The following SYNE1 variants were observed in gnomAD, a reference collection of about 807,000 sequenced individuals.
SYNE1 encodes nesprin-1.
In SYNE1, 616 loss-of-function variants were observed where a neutral mutation model predicts 1,111.0. The observed-to-expected ratio is 0.55, with a 90% confidence interval of 0.52 to 0.59. The LOEUF (loss-of-function observed/expected upper bound fraction) is 0.59, where lower values mean the gene tolerates loss of function less well. SYNE1 is among the 20% of genes least tolerant of loss of function. SYNE1 has a pLI of 0.00. For missense variants in SYNE1, 10,006 were observed against 10,417.0 expected (o/e 0.96, Z 1.72); for synonymous variants, 3,855 against 3,825.8 (o/e 1.01, Z -0.28).
chr6:152,325,516 A>AT (rs1413750245), intron 80 of SYNE1, among the ~76,000 whole-genome samples: 6 of 152,320 alleles, frequency 3.9e-5, no homozygotes, highest in African/African-American at 1.4e-4. Flanking sequence ...AATATTATTT[A>AT]TTTATTAAAA....
chr6:152,507,556 C>T (rs759422404), intron 8 of SYNE1, among the ~76,000 whole-genome samples: 10 of 152,058 alleles, frequency 6.6e-5, no homozygotes, highest in Non-Finnish European at 1.0e-4. Context: ...TTAGTTCAAA[C>T]CTCTTATTTG....
intron 124 of SYNE1, among the ~76,000 whole-genome samples, chr6:152,209,502 C>T (rs904577557): frequency 2.0e-5 from 3 of 152,158 alleles, no homozygotes; most frequent in Non-Finnish European, 4.4e-5. Context: ...TTAATCCCAG[C>T]ACCTTGGGAG....
chr6:152,239,019 T>C (rs2084899211), intron 108 of SYNE1, among the ~76,000 whole-genome samples: 2 of 151,798 alleles, frequency 1.3e-5, no homozygotes, highest in South Asian at 4.2e-4. Context: ...TGCCTCAGCC[T>C]CCCAAGTAGC....
At chr6:152,412,050 GAAAGAACCC>G in intron 42 of SYNE1, among the ~76,000 whole-genome samples, 1 of 152,068 alleles carries the variant, frequency 6.6e-6, no homozygotes, top group Non-Finnish European at 1.5e-5. Context: ...ATCCAAACTG[GAAAGAACCC>G]AATTGTCCAT....
intron 49 of SYNE1, 56 bp from the exon 50 acceptor site, chr6:152,397,036 C>G (rs925313750): frequency 6.4e-7 from 1 of 1,558,174 alleles, no homozygotes; most frequent in African/African-American, 1.4e-5. Flanking sequence ...CAATTGTGAG[C>G]TGAAGTAGTA....
chr6:152,400,359 T>C (rs142185590), intron 47 of SYNE1, among the ~76,000 whole-genome samples: 10 of 152,288 alleles, frequency 6.6e-5, no homozygotes, highest in Admixed American at 6.5e-4. Context: ...TATCTATTAA[T>C]ATGGATAGGA....
intron 63 of SYNE1, 95 bp from the exon 64 acceptor site, chr6:152,362,418 G>C (rs563877981): frequency 9.1e-6 from 14 of 1,534,288 alleles, no homozygotes; most frequent in African/African-American, 1.4e-5. Flanking sequence ...AGTAAGCAAG[G>C]GGTCAAGAGA....
In SYNE1 at chr6:152,294,210, A is replaced by T. The variant is rs992219461; in HGVS notation, c.17683-83T>A. On this transcript the variant is annotated intron_variant, in intron 93 of 145. Coordinates refer to ENST00000367255, the MANE Select transcript of SYNE1 (RefSeq NM_182961.4). Reference sequence around the variant, plus strand: ...GCTCTGGGTACTGTTGGTCATGTCAAGGAAAGGTTTCAGATCTACACCTTT... The same window carrying T: ...GCTCTGGGTACTGTTGGTCATGTCATGGAAAGGTTTCAGATCTACACCTTT... 6 of 1,424,248 alleles carry T rather than the reference A, an allele frequency of 4.2e-6. No homozygotes were observed. In the Middle Eastern group the frequency reaches 7.3e-4, roughly 174 times the overall value. The allele number at this position is 1,424,248 out of a possible 1,614,324, so 88.2% of individuals were successfully genotyped here.
At chr6:152,145,599 A>G in intron 137 of SYNE1, 1 of 1,544,368 alleles carries the variant, frequency 6.5e-7, no homozygotes, top group East Asian at 2.2e-5. Flanking sequence ...AGTTCTGGAA[A>G]CCCTGAATCC....
intron 127 of SYNE1, among the ~76,000 whole-genome samples, chr6:152,201,127 G>A (rs1045575013): frequency 1.3e-5 from 2 of 152,160 alleles, no homozygotes; most frequent in Admixed American, 6.5e-5. Context: ...TTAAAGGTAC[G>A]TTTGATATGA....
At position 152,416,977 on chromosome 6, in the gene SYNE1, C is replaced by A. The variant is rs761140356; in HGVS notation, c.5460G>T (p.Leu1820Phe). Residue 1820 changes from leucine to phenylalanine, a missense_variant, in exon 41 of 146, where the codon TTG (leucine) becomes TTT (phenylalanine). Around this residue, in one of 7 missense-constraint regions of SYNE1, gnomAD observed 4,955 missense variants for 5,017.2 expected, o/e 0.99. Transcript: ENST00000367255. ...TTGCTAAGTGACCCTGCAGACTCTG[C>A]AATTCGCCCTTTTTGCTCTCTACTT... The part of the protein sequence containing the change: ...AAEVESKKGE[L>F]QSLQGHLAKL... The A allele has an allele frequency of 1.2e-6, 2 of 1,614,204 alleles. No individual in the cohort carries two copies. Among genetic ancestry groups the A allele is most frequent in the Non-Finnish European group, 1.7e-6 (2 of 1,180,050 alleles).
At chr6:152,546,013 G>A (rs1483642092) in intron 3 of SYNE1, 1 of 152,034 alleles carries the variant, frequency 6.6e-6, no homozygotes, top group Non-Finnish European at 1.5e-5. Context: ...ACAACCAAAT[G>A]ACGTGAATAC....
At chr6:152,220,046 T>A (rs1386487130) in intron 119 of SYNE1, among the ~76,000 whole-genome samples, 1 of 152,228 alleles carries the variant, frequency 6.6e-6, no homozygotes, top group East Asian at 1.9e-4. Context: ...AAATGACAGT[T>A]CTTGTACACA....
rs763512555 is a variant in SYNE1, at chr6:152,140,139, A to T, written c.25269T>A (p.Leu8423=). The change falls in exon 140 of 146, where the codon CTT becomes CTA. Residue 8423 remains leucine (L), a synonymous_variant. Transcript: ENST00000367255. ...QTAGVIDRWE[L]LQAQALSKEL... ...CCTTGCTCAATGCCTGGGCCTGGAG[A>T]AGCTCCCATCGGTCAATCACACCTG... 2 of 1,614,142 alleles carry T rather than the reference A, an allele frequency of 1.2e-6. No homozygotes were observed. Among genetic ancestry groups the T allele is most frequent in the South Asian group, 2.2e-5 (2 of 91,066 alleles).
chr6:152,303,567 G>A (rs959600661), intron 91 of SYNE1, among the ~76,000 whole-genome samples: 9 of 151,758 alleles, frequency 5.9e-5, no homozygotes, highest in South Asian at 2.1e-4. Flanking sequence ...GAGGGGCGTT[G>A]GTTCTAGGAA....
chr6:152,253,812 GGTTTGGTTTTTTTTTTTTTTT>G, intron 104 of SYNE1, among the ~76,000 whole-genome samples: 1 of 11,664 alleles, frequency 8.6e-5, no homozygotes, highest in Non-Finnish European at 1.4e-4. Context: ...TATGTGTAGT[GGTTTGGTTTTTTTTTTTTTTT>G]TTTTTTTTTT....
At chr6:152,224,778 T>C in intron 116 of SYNE1, 114 bp from the exon 117 acceptor site, 2 of 1,110,934 alleles carry the variant, frequency 1.8e-6, no homozygotes, top group Admixed American at 4.5e-5. Context: ...GTTTCAGGTA[T>C]CATAAACAAA....
intron 106 of SYNE1, among the ~76,000 whole-genome samples, 194 bp from the exon 107 acceptor site, chr6:152,242,634 A>G (rs1435175644): frequency 6.6e-6 from 1 of 152,166 alleles, no homozygotes; most frequent in Non-Finnish European, 1.5e-5. Flanking sequence ...CATGTTTCAC[A>G]AAGAAATGAC....
chr6:152,375,174 C>G (rs1478834204), intron 58 of SYNE1, among the ~76,000 whole-genome samples: 2 of 152,114 alleles, frequency 1.3e-5, no homozygotes, highest in African/African-American at 4.8e-5. Context: ...AACTCCTGAT[C>G]TTAAGTGATC....
Sources: allele counts gnomAD v4.1 joint callset (sites outside exome capture counted in the v4.1 genomes callset), GRCh38; gene constraint gnomAD v4.1.1; regional missense constraint gnomAD v4.1.1; transcripts MANE v1.5; gene names NCBI Gene and HGNC (gene_info 2026-07-23, HGNC 2026-07-21).